Variants in ZNRF2 observed in about 807,000 individuals in gnomAD.
The protein encoded by ZNRF2 is zinc and ring finger 2.
Under a neutral mutation model 20.4 loss-of-function variants are expected in ZNRF2, and 16 were observed. That is an observed-to-expected ratio of 0.79 (90% CI 0.53 to 1.19). The LOEUF (loss-of-function observed/expected upper bound fraction) is 1.19, where lower values mean the gene tolerates loss of function less well. ZNRF2 is among the 50% of genes most tolerant of loss of function. ZNRF2 has a pLI of 0.00. For synonymous variants in ZNRF2, 178 were observed against 144.9 expected (o/e 1.23, Z -1.64); for missense variants, 363 against 332.4 (o/e 1.09, Z -0.72).
At chr7:30,329,181 T>C (rs1035298026) in intron 2 of ZNRF2, among the ~76,000 whole-genome samples, 3 of 152,216 alleles carry the variant, frequency 2.0e-5, no homozygotes, top group Non-Finnish European at 2.9e-5. Context: ...ATAGTACATT[T>C]ATAGGGGTCC....
chr7:30,329,930 A>T (rs1262239684), intron 2 of ZNRF2, among the ~76,000 whole-genome samples: 3 of 152,330 alleles, frequency 2.0e-5, no homozygotes, highest in Admixed American at 6.5e-5. Flanking sequence ...CCAACAGTGT[A>T]CAAGGGTTCC....
intron 1 of ZNRF2, among the ~76,000 whole-genome samples, chr7:30,295,015 GA>G (rs1583565782): frequency 0.014 from 282 of 19,922 alleles, 10 homozygotes; most frequent in African/African-American, 0.033. Context: ...GGGAGGGAAG[GA>G]GAGAGAGAGA....
intron 1 of ZNRF2, among the ~76,000 whole-genome samples, chr7:30,286,241 G>A (rs1338460420): frequency 1.3e-5 from 2 of 152,214 alleles, no homozygotes; most frequent in African/African-American, 2.4e-5. Flanking sequence ...AGTTTTTAAA[G>A]GCCAAAAGTC....
intron 2 of ZNRF2, among the ~76,000 whole-genome samples, chr7:30,343,403 T>C (rs905218479): frequency 6.6e-6 from 1 of 152,180 alleles, no homozygotes; most frequent in Admixed American, 6.5e-5. Flanking sequence ...GTCTTTAATA[T>C]TCATCTTTTT....
Position 30,366,694 on chromosome 7 carries a change from G to T in ZNRF2, c.*682G>T, listed in dbSNP as rs1261810236. 1 of 152,372 alleles carries T rather than the reference G, an allele frequency of 6.6e-6. No homozygotes were observed. The highest frequency in any genetic ancestry group is 1.9e-4 in the East Asian group (1 of 5,188). 9.4% of individuals were successfully genotyped at this position (152,372 alleles called of 1,614,324 possible). ...GTTTAATATCAGAATGCAGTCCAAA[G>T]AGCAAATCATATTACATAATTACAT... On this transcript the variant is annotated 3_prime_UTR_variant, in exon 5 of 5. Coordinates refer to ENST00000323037, the MANE Select transcript of ZNRF2 (RefSeq NM_147128.4).
Position 30,366,396 on chromosome 7 carries a change from T to C in ZNRF2, c.*384T>C, listed in dbSNP as rs1017401769. The C allele has an allele frequency of 3.9e-5, 6 of 152,646 alleles. No homozygotes were observed. The highest frequency in any genetic ancestry group is 1.4e-4 in the African/African-American group (6 of 41,468). 9.5% of individuals were successfully genotyped at this position (152,646 alleles called of 1,614,324 possible). On this transcript the variant is annotated 3_prime_UTR_variant, in exon 5 of 5. Transcript: ENST00000323037. ...CTCCAGAGCTGCACAACTAGTTATG[T>C]TTTGATTTGTTTTGTTTTTTAATTT...
At chr7:30,322,862 A>G (rs1799494957) in intron 1 of ZNRF2, among the ~76,000 whole-genome samples, 1 of 152,188 alleles carries the variant, frequency 6.6e-6, no homozygotes, top group South Asian at 2.1e-4. Context: ...GGGATGGGAC[A>G]CTTCACCTTG....
chr7:30,343,492 A>G (rs928973784), intron 2 of ZNRF2, among the ~76,000 whole-genome samples: 28 of 152,170 alleles, frequency 1.8e-4, no homozygotes, highest in African/African-American at 5.3e-4. Context: ...TCTATATTGC[A>G]TATTTTTTTT....
At chr7:30,289,268 T>G (rs145833567) in intron 1 of ZNRF2, among the ~76,000 whole-genome samples, 15 of 152,350 alleles carry the variant, frequency 9.8e-5, no homozygotes, top group African/African-American at 3.4e-4. Context: ...GTGTGGGTTA[T>G]CTCTTAAAAC....
intron 1 of ZNRF2, among the ~76,000 whole-genome samples, chr7:30,320,011 G>A (rs954490467): frequency 6.6e-6 from 1 of 151,896 alleles, no homozygotes; most frequent in Non-Finnish European, 1.5e-5. Context: ...AAATAGAATC[G>A]TGCATGTGTG....
At chr7:30,317,135 A>G (rs1799387728) in intron 1 of ZNRF2, among the ~76,000 whole-genome samples, 1 of 152,194 alleles carries the variant, frequency 6.6e-6, no homozygotes, top group East Asian at 1.9e-4. Context: ...TCTGCCTTTA[A>G]TTGTGCCATT....
chr7:30,320,478 T>A (rs1333833037), intron 1 of ZNRF2, among the ~76,000 whole-genome samples: 1 of 152,198 alleles, frequency 6.6e-6, no homozygotes, highest in Admixed American at 6.5e-5. Context: ...GATGTTTAAC[T>A]TAGGATTTTT....
chr7:30,330,433 T>C (rs1182529076), intron 2 of ZNRF2, among the ~76,000 whole-genome samples: 2 of 152,156 alleles, frequency 1.3e-5, no homozygotes, highest in Admixed American at 6.6e-5. Context: ...AAGCTGCCAA[T>C]TGCTACACTG....
In ZNRF2 at chr7:30,286,136, C is replaced by T. The variant is rs188607895; in HGVS notation, c.469+310C>T. Among the ~76,000 whole-genome samples, 4 of 152,310 alleles carry T rather than the reference C, an allele frequency of 2.6e-5. No homozygotes were observed. In the East Asian group the frequency reaches 5.8e-4, roughly 22 times the overall value. ...CAAATGTTGTTTTACAACAAACCGACGAAACAGCCCTTGTGGTTGTGGTTT... is the reference window on the plus strand; with the variant it reads ...CAAATGTTGTTTTACAACAAACCGATGAAACAGCCCTTGTGGTTGTGGTTT... On this transcript the variant is annotated intron_variant, in intron 1 of 4. Transcript: ENST00000323037.
In ZNRF2 at chr7:30,285,025, C is replaced by T; in HGVS notation, c.-333C>T. The T allele has an allele frequency of 2.5e-6, 1 of 400,276 alleles. No individual in the cohort carries two copies. The highest frequency in any genetic ancestry group is 6.7e-4 in the Middle Eastern group (1 of 1,488). 24.8% of individuals were successfully genotyped at this position (400,276 alleles called of 1,614,324 possible). On this transcript the variant is annotated 5_prime_UTR_variant, in exon 1 of 5. Transcript: ENST00000323037. ...AGAGAGCGGTAGCGGCCCGTCGTGGCGCACCAGAACCGAAACCAGCGGCAG... is the reference window on the plus strand; with the variant it reads ...AGAGAGCGGTAGCGGCCCGTCGTGGTGCACCAGAACCGAAACCAGCGGCAG...
chr7:30,312,885 T>G (rs758514011), intron 1 of ZNRF2, among the ~76,000 whole-genome samples: 28 of 152,202 alleles, frequency 1.8e-4, no homozygotes, highest in Non-Finnish European at 3.7e-4. Flanking sequence ...GGTAAGAGTT[T>G]CAGTAAAATT....
At chr7:30,363,789 A>C (rs1460688949) in intron 4 of ZNRF2, among the ~76,000 whole-genome samples, 1 of 152,120 alleles carries the variant, frequency 6.6e-6, no homozygotes, top group African/African-American at 2.4e-5. Context: ...AAGTGCATTA[A>C]ATTGACATCA....
rs533307933 is a variant in ZNRF2, at chr7:30,307,545, A to G, written c.470-16097A>G. On this transcript the variant is annotated intron_variant, in intron 1 of 4. Transcript: ENST00000323037. ...AGAATTATAGACTGAGTCCAAGTCC[A>G]TTGAATGATACTGTTTTTATTGACC... 7.2e-5 allele frequency among the ~76,000 whole-genome samples: 11 copies of G among 152,010 alleles called. No homozygotes were observed. The South Asian group carries it at 2.3e-3, about 32-fold the overall frequency.
At chr7:30,353,992 G>T (rs1480268319) in intron 2 of ZNRF2, among the ~76,000 whole-genome samples, 3 of 151,394 alleles carry the variant, frequency 2.0e-5, no homozygotes, top group Non-Finnish European at 3.0e-5. Context: ...TTTTCTTTTT[G>T]TTCTCACTGC....
Sources: gnomAD v4.1 joint callset for allele counts (sites outside exome capture counted in the v4.1 genomes callset) on GRCh38, gnomAD v4.1.1 for gene constraint, MANE v1.5 for transcripts, NCBI Gene and HGNC (gene_info 2026-07-23, HGNC 2026-07-21) for gene names.